The following CDK6 variants were observed in gnomAD, a reference collection of about 807,000 sequenced individuals.
CDK6 encodes the protein cyclin dependent kinase 6.
Under a neutral mutation model 37.1 loss-of-function variants are expected in CDK6, and 6 were observed. That is an observed-to-expected ratio of 0.16 (90% CI 0.09 to 0.32). The LOEUF (loss-of-function observed/expected upper bound fraction) is 0.32, where lower values mean the gene tolerates loss of function less well. Ranked by LOEUF, CDK6 falls within the 10% of genes least tolerant of loss-of-function variation. The pLI, the probability that CDK6 is intolerant of heterozygous loss-of-function variation, is 1.00. For missense variants in CDK6, 224 were observed against 418.9 expected (o/e 0.53, Z 4.06); for synonymous variants, 160 against 161.3 (o/e 0.99, Z 0.06).
rs902137115 is a variant in CDK6, at chr7:92,618,206, C to T, written c.700G>A (p.Val234Met). 8.1e-6 allele frequency: 13 copies of T among 1,613,730 alleles called. No individual in the cohort carries two copies. Among genetic ancestry groups the T allele is most frequent in the African/African-American group, 2.7e-5 (2 of 74,888 alleles). Reference protein sequence around the residue: ...DVDQLGKILDVIGLPGEEDWP... With the variant: ...DVDQLGKILDMIGLPGEEDWP... ...TCTTCTTCTCCTGGGAGTCCAATCA[C>T]GCTACAAAAGAACCACACATGGACA... The change falls in exon 7 of 8, where the codon GTG (valine) becomes ATG (methionine). Residue 234 changes from valine to methionine, a missense_variant and splice_region_variant. Coordinates refer to ENST00000424848, the MANE Select transcript of CDK6 (RefSeq NM_001145306.2).
Position 92,614,696 on chromosome 7 carries a change from TACAC to T in CDK6, c.*440_*443del, listed in dbSNP as rs10552976. 0.068 allele frequency: 14,936 copies of T among 221,100 alleles called. 160 individuals carry two copies. Among genetic ancestry groups the T allele is most frequent in the East Asian group, 0.23 (3,086 of 13,254 alleles). 13.7% of individuals were successfully genotyped at this position (221,100 alleles called of 1,614,324 possible). A position where few individuals can be genotyped will look rare whatever the true frequency, so the allele number is the denominator to read the frequency against. On this transcript the variant is annotated 3_prime_UTR_variant, in exon 8 of 8. Transcript: ENST00000424848. ...TTAAAAGATCACAGAATCTCTCACATACACACACACACACACACACACACACACA... is the reference window on the plus strand; with the variant it reads ...TTAAAAGATCACAGAATCTCTCACATACACACACACACACACACACACACA...
At position 92,781,460 on chromosome 7, in the gene CDK6, T is replaced by C. The variant is rs544096618; in HGVS notation, c.234-6629A>G. Among the ~76,000 whole-genome samples the C allele has an allele frequency of 1.3e-4, 20 of 152,382 alleles. No homozygotes were observed. The East Asian group carries it at 2.1e-3, about 16-fold the overall frequency. On this transcript the variant is annotated intron_variant, in intron 2 of 7. Coordinates refer to ENST00000424848, the MANE Select transcript of CDK6 (RefSeq NM_001145306.2). ...AATTTAACTTGCTCTTCTGGAACTA[T>C]TGCATAGGCAAGTTGCCTTCATCTA...
intron 3 of CDK6, among the ~76,000 whole-genome samples, chr7:92,737,750 G>A (rs879184593): frequency 2.6e-5 from 4 of 152,122 alleles, no homozygotes; most frequent in South Asian, 4.1e-4. Flanking sequence ...GCTGAACTGT[G>A]TGCATTCCAA....
chr7:92,741,246 GACAAA>G (rs1798919784), intron 3 of CDK6, among the ~76,000 whole-genome samples: 1 of 152,146 alleles, frequency 6.6e-6, no homozygotes, highest in African/African-American at 2.4e-5. Flanking sequence ...ATTCTATTCT[GACAAA>G]ACAAGAGATA....
chr7:92,801,498 C>A (rs981828858), intron 2 of CDK6, among the ~76,000 whole-genome samples: 3 of 152,130 alleles, frequency 2.0e-5, no homozygotes, highest in African/African-American at 4.8e-5. Flanking sequence ...AGGAAACAGG[C>A]AGGGAATGGT....
intron 3 of CDK6, among the ~76,000 whole-genome samples, chr7:92,761,944 C>T (rs1174838429): frequency 1.3e-5 from 2 of 152,178 alleles, no homozygotes; most frequent in African/African-American, 2.4e-5. Context: ...AGATAAGATG[C>T]ATATCATGGG....
intron 5 of CDK6, among the ~76,000 whole-genome samples, chr7:92,632,895 T>C (rs1281047410): frequency 6.6e-6 from 1 of 151,786 alleles, no homozygotes; most frequent in East Asian, 1.9e-4. Context: ...TCTTTTCTCT[T>C]TTTATATACA....
chr7:92,746,343 T>C (rs1799057756), intron 3 of CDK6, among the ~76,000 whole-genome samples: 1 of 152,158 alleles, frequency 6.6e-6, no homozygotes, highest in South Asian at 2.1e-4. Context: ...CAAAATGCTT[T>C]AAAGGCAAAG....
chr7:92,780,776 A>C (rs1255594368), intron 2 of CDK6, among the ~76,000 whole-genome samples: 4 of 151,370 alleles, frequency 2.6e-5, no homozygotes, highest in South Asian at 4.2e-4. Flanking sequence ...AAAAAAAAAA[A>C]AAACAAAAAA....
chr7:92,691,641 A>C (rs1026261738), intron 4 of CDK6, among the ~76,000 whole-genome samples: 2 of 152,228 alleles, frequency 1.3e-5, no homozygotes, highest in African/African-American at 4.8e-5. Context: ...CATCATATGC[A>C]AGCAATCCCT....
At chr7:92,651,221 G>A (rs1030726028) in intron 5 of CDK6, among the ~76,000 whole-genome samples, 1 of 152,144 alleles carries the variant, frequency 6.6e-6, no homozygotes, top group Admixed American at 6.5e-5. Context: ...ATGTGATTAG[G>A]TTGGGCCCCC....
intron 3 of CDK6, among the ~76,000 whole-genome samples, chr7:92,730,816 C>A (rs1373669010): frequency 6.6e-6 from 1 of 152,126 alleles, no homozygotes; most frequent in Non-Finnish European, 1.5e-5. Flanking sequence ...CACTTTTTGG[C>A]TGCTGTGAAT....
chr7:92,725,553 A>G, intron 4 of CDK6, 73 bp downstream of exon 4: 1 of 1,458,484 alleles, frequency 6.9e-7, no homozygotes. Context: ...CATTAGAGAC[A>G]TGGAAGAGGG....
At chr7:92,791,190 G>A (rs1439702812) in intron 2 of CDK6, among the ~76,000 whole-genome samples, 1 of 152,062 alleles carries the variant, frequency 6.6e-6, no homozygotes, top group African/African-American at 2.4e-5. Context: ...GTGGAGGGAT[G>A]GGGAAGGAGA....
At chr7:92,825,851 T>C (rs1562976989) in intron 2 of CDK6, among the ~76,000 whole-genome samples, 1 of 152,216 alleles carries the variant, frequency 6.6e-6, no homozygotes, top group Admixed American at 6.5e-5. Flanking sequence ...CTAATGTTAA[T>C]GTCTTCTTTG....
At chr7:92,635,611 C>A (rs908420173) in intron 5 of CDK6, among the ~76,000 whole-genome samples, 1 of 152,154 alleles carries the variant, frequency 6.6e-6, no homozygotes, top group South Asian at 2.1e-4. Context: ...AACTGTTACT[C>A]GTTCCAAAGT....
intron 3 of CDK6, among the ~76,000 whole-genome samples, chr7:92,764,652 A>G (rs971133110): frequency 2.7e-4 from 41 of 152,180 alleles, no homozygotes; most frequent in Admixed American, 2.2e-3. Flanking sequence ...GACAGTAACT[A>G]CAACATTATT....
intron 4 of CDK6, among the ~76,000 whole-genome samples, chr7:92,707,004 T>G (rs967583043): frequency 6.6e-6 from 1 of 152,092 alleles, no homozygotes; most frequent in Admixed American, 6.5e-5. Flanking sequence ...TGAGAAATAA[T>G]AATGAAAAAA....
In CDK6 at chr7:92,834,471, A is replaced by C. The variant is rs1402463081; in HGVS notation, c.-367-781T>G. Among the ~76,000 whole-genome samples the C allele has an allele frequency of 4.5e-5, 6 of 132,976 alleles. No individual in the cohort carries two copies. The highest frequency in any genetic ancestry group is 1.7e-4 in the African/African-American group (6 of 35,628). The allele number at this position is 132,976 out of a possible 152,430, so 87.2% of individuals were successfully genotyped here. ...ATCTGGTCGGGGAGGGTTGGGGCTT[A>C]TCGGGGGTGGGCGAGCGAGCGGTCC... On this transcript the variant is annotated intron_variant, in intron 1 of 7. Coordinates refer to ENST00000424848, the MANE Select transcript of CDK6 (RefSeq NM_001145306.2). The surrounding 1 kb of genome is among the most constrained non-coding windows in gnomAD (Gnocchi z 4.6).
Sources: allele counts gnomAD v4.1 joint callset (sites outside exome capture counted in the v4.1 genomes callset), GRCh38; gene constraint gnomAD v4.1.1; non-coding constraint Gnocchi (gnomAD v3.1); transcripts MANE v1.5; gene names NCBI Gene and HGNC (gene_info 2026-07-23, HGNC 2026-07-21).